CHCHD3: variants seen among roughly 807,000 people sequenced by gnomAD.
The protein encoded by CHCHD3 is coiled-coil-helix-coiled-coil-helix domain containing 3, also known as MICOS complex subunit MIC19.
A neutral mutation model predicts 38.2 loss-of-function variants in CHCHD3; 20 were observed. That is an observed-to-expected ratio of 0.52 (90% confidence interval 0.37 to 0.76). The LOEUF (loss-of-function observed/expected upper bound fraction) is 0.76. Ranked by LOEUF, CHCHD3 falls within the 30% of genes least tolerant of loss-of-function variation. The pLI is 0.00. For missense variants in CHCHD3, 245 were observed against 279.2 expected (o/e 0.88, Z 0.87); for synonymous variants, 82 against 100.0 (o/e 0.82, Z 1.07).
At chr7:132,869,770 G>T (rs1250115918) in intron 5 of CHCHD3, among the ~76,000 whole-genome samples, 4 of 151,854 alleles carry the variant, frequency 2.6e-5, no homozygotes, top group African/African-American at 9.7e-5. Context: ...TTTTTGTAGA[G>T]GCAAGGTCTC....
intron 6 of CHCHD3, among the ~76,000 whole-genome samples, chr7:132,826,394 GC>G (rs1219979828): frequency 6.6e-6 from 1 of 152,224 alleles, no homozygotes; most frequent in Non-Finnish European, 1.5e-5. Context: ...ATGTATCACT[GC>G]ACAGTGTTTC....
intron 4 of CHCHD3, among the ~76,000 whole-genome samples, chr7:132,972,278 AC>A (rs1811632276): frequency 6.6e-6 from 1 of 152,206 alleles, no homozygotes; most frequent in South Asian, 2.1e-4. Flanking sequence ...CAGTATAAAA[AC>A]TTTTACCACA....
At chr7:132,830,388 C>T (rs1350909573) in intron 6 of CHCHD3, among the ~76,000 whole-genome samples, 1 of 152,192 alleles carries the variant, frequency 6.6e-6, no homozygotes, top group Non-Finnish European at 1.5e-5. Flanking sequence ...TACAACTTTC[C>T]TAAAATGGGA....
intron 6 of CHCHD3, among the ~76,000 whole-genome samples, chr7:132,829,665 C>A (rs932081328): frequency 6.6e-6 from 1 of 152,198 alleles, no homozygotes; most frequent in Non-Finnish European, 1.5e-5. Flanking sequence ...CATGGACTTA[C>A]GAAGGACGTG....
intron 4 of CHCHD3, among the ~76,000 whole-genome samples, chr7:132,917,134 C>A (rs1181959289): frequency 6.6e-6 from 1 of 152,120 alleles, no homozygotes; most frequent in African/African-American, 2.4e-5. Context: ...AATGGCAGAA[C>A]TTTGGACCCT....
At chr7:132,798,798 C>T (rs1806688504) in intron 6 of CHCHD3, among the ~76,000 whole-genome samples, 1 of 152,070 alleles carries the variant, frequency 6.6e-6, no homozygotes, top group Non-Finnish European at 1.5e-5. Flanking sequence ...AGTCTACTCA[C>T]GATGGGATAA....
At chr7:132,982,514 A>C (rs1397992603) in intron 3 of CHCHD3, among the ~76,000 whole-genome samples, 1 of 152,190 alleles carries the variant, frequency 6.6e-6, no homozygotes, top group Non-Finnish European at 1.5e-5. Context: ...TGAACTCCTG[A>C]CCTCAGGTGA....
chr7:132,984,350 C>T (rs1238343382), intron 3 of CHCHD3, among the ~76,000 whole-genome samples: 33 of 151,944 alleles, frequency 2.2e-4, no homozygotes, highest in African/African-American at 7.0e-4. Context: ...CAGACGGAGT[C>T]GCGTTCACTC....
At chr7:132,927,119 G>A (rs1018516041) in intron 4 of CHCHD3, among the ~76,000 whole-genome samples, 17 of 152,146 alleles carry the variant, frequency 1.1e-4, no homozygotes, top group Non-Finnish European at 2.2e-4. Flanking sequence ...CCCCAGATTA[G>A]ACCCACAAAC....
At position 133,034,508 on chromosome 7, in the gene CHCHD3, C is replaced by CTTTTTTTTTTTTTTT. The variant is rs146912120; in HGVS notation, c.170-9896_170-9882dup. On this transcript the variant is annotated intron_variant, in intron 2 of 7. Transcript: ENST00000262570. The stretch of plus-strand genomic sequence containing the variant: ...AGTCCTTTCAGCAATTGGATCCAGT[C>CTTTTTTTTTTTTTTT]TTTTTTTTTTTTTTTTTTTTTTCAA... 66 of 285,186 alleles carry CTTTTTTTTTTTTTTT rather than the reference C, an allele frequency of 2.3e-4. 3 individuals are homozygous for CTTTTTTTTTTTTTTT. Among genetic ancestry groups the CTTTTTTTTTTTTTTT allele is most frequent in the East Asian group, 7.2e-4 (9 of 12,418 alleles). The allele number at this position is 285,186 out of a possible 1,614,324, so 17.7% of individuals were successfully genotyped here. A position where few individuals can be genotyped will look rare whatever the true frequency, so the allele number is the denominator to read the frequency against.
intron 2 of CHCHD3, among the ~76,000 whole-genome samples, chr7:133,044,269 T>C (rs1432249698): frequency 6.6e-6 from 1 of 152,220 alleles, no homozygotes; most frequent in Non-Finnish European, 1.5e-5. Context: ...GATTTGTTAA[T>C]AGAAATTAAA....
intron 4 of CHCHD3, among the ~76,000 whole-genome samples, chr7:132,957,370 T>C (rs1019827339): frequency 6.6e-6 from 1 of 152,122 alleles, no homozygotes; most frequent in Non-Finnish European, 1.5e-5. Flanking sequence ...AAAATAGCAA[T>C]ACAATGGTGG....
chr7:132,837,895 A>G (rs189691682), intron 6 of CHCHD3, among the ~76,000 whole-genome samples: 1 of 152,314 alleles, frequency 6.6e-6, no homozygotes, highest in Non-Finnish European at 1.5e-5. Flanking sequence ...GGATTAAGAG[A>G]GGTAGCAATT....
chr7:132,968,490 T>C (rs1811532631), intron 4 of CHCHD3, among the ~76,000 whole-genome samples: 1 of 152,178 alleles, frequency 6.6e-6, no homozygotes, highest in Admixed American at 6.5e-5. Flanking sequence ...TTAACTTCAT[T>C]TTTGGAATTC....
intron 4 of CHCHD3, among the ~76,000 whole-genome samples, chr7:132,953,702 T>G (rs1162616453): frequency 3.3e-5 from 5 of 152,224 alleles, no homozygotes; most frequent in Non-Finnish European, 5.9e-5. Context: ...AGTATGGAAA[T>G]GCAAGTATAA....
chr7:132,906,521 A>G (rs1809809001), intron 4 of CHCHD3, among the ~76,000 whole-genome samples: 1 of 152,178 alleles, frequency 6.6e-6, no homozygotes, highest in African/African-American at 2.4e-5. Context: ...ATATTTTACT[A>G]CTAATAATGA....
intron 6 of CHCHD3, among the ~76,000 whole-genome samples, chr7:132,821,635 T>G (rs1053573428): frequency 1.3e-5 from 2 of 151,912 alleles, no homozygotes; most frequent in Non-Finnish European, 2.9e-5. Flanking sequence ...ACTTCCTAGA[T>G]ACTGTAGCAT....
At position 132,798,080 on chromosome 7, in the gene CHCHD3, G is replaced by A. The variant is rs538280114; in HGVS notation, c.525-1503C>T. Among the ~76,000 whole-genome samples the A allele has an allele frequency of 7.9e-5, 12 of 152,098 alleles. No homozygotes were observed. In the South Asian group the frequency reaches 1.3e-3, roughly 16 times the overall value. On this transcript the variant is annotated intron_variant, in intron 6 of 7. Coordinates refer to ENST00000262570, the MANE Select transcript of CHCHD3 (RefSeq NM_017812.4). ...GAATATTTCTCATCAATAAGGAAAC[G>A]CCTGGGTGATGATTTGTCTCATTAT...
rs1010415357 is a variant in CHCHD3 at position 132,885,610 on chromosome 7, A to G, written c.453+52T>C. The G allele has an allele frequency of 3.0e-6, 4 of 1,318,780 alleles. No homozygotes were observed. The African/African-American group carries it at 6.1e-5, about 20-fold the overall frequency. 81.7% of individuals were successfully genotyped at this position (1,318,780 alleles called of 1,614,324 possible). Reference sequence around the variant, plus strand: ...AATTTATTAATTTTTAAATAAATATACAAGAAAACAGCAGATGTGGTAATA... The same window carrying G: ...AATTTATTAATTTTTAAATAAATATGCAAGAAAACAGCAGATGTGGTAATA... On this transcript the variant is annotated intron_variant, in intron 5 of 7. Coordinates refer to ENST00000262570, the MANE Select transcript of CHCHD3 (RefSeq NM_017812.4).
Sources: allele counts gnomAD v4.1 joint callset (sites outside exome capture counted in the v4.1 genomes callset), GRCh38; gene constraint gnomAD v4.1.1; transcripts MANE v1.5; gene names NCBI Gene and HGNC (gene_info 2026-07-23, HGNC 2026-07-21).